The following MAP3K15 variants were observed in gnomAD, a reference collection of about 807,000 sequenced individuals.
MAP3K15 encodes mitogen-activated protein kinase kinase kinase 15, also known as MAPK/ERK kinase kinase 15.
Under a neutral mutation model 99.5 loss-of-function variants are expected in MAP3K15, and 124 were observed. The observed-to-expected ratio is 1.25, with a 90% CI of 1.08 to 1.45. The LOEUF is 1.45. Among genes scored for constraint, MAP3K15 ranks in the 40% most tolerant of loss-of-function variants. The probability of loss-of-function intolerance (pLI) is 0.00; values close to 1 mark genes in which losing one functional copy is unlikely to be tolerated. For synonymous variants in MAP3K15, 494 were observed against 439.6 expected (o/e 1.12, Z -1.55); for missense variants, 1,242 against 1,079.7 (o/e 1.15, Z -2.11).
chrX:19,485,308 C>CAAAAAAA (rs368987947), intron 3 of MAP3K15, among the ~76,000 whole-genome samples: 1 of 7,938 alleles, frequency 1.3e-4, no homozygotes, highest in Non-Finnish European at 2.1e-4. Context: ...GACTCTGTCT[C>CAAAAAAA]AAAAAAAAAA....
intron 6 of MAP3K15, among the ~76,000 whole-genome samples, chrX:19,436,293 C>G (rs2063921666): frequency 9.0e-6 from 1 of 111,141 alleles, no homozygotes; most frequent in South Asian, 3.8e-4. Flanking sequence ...CTGAATCCAC[C>G]ACTCCCTTCT....
Position 19,361,062 on chromosome X carries a change from G to C in MAP3K15, c.3858-229C>G, listed in dbSNP as rs1044241597. ...AGAAGGCAGGCTGCAGTTTAAAGAA[G>C]GGGGTGGGTCCAGCGTGCAGGCACG... is the stretch of plus-strand genomic sequence containing the variant. On this transcript the variant is annotated intron_variant, in intron 28 of 28. Transcript: ENST00000338883. 6 of 417,841 alleles carry C rather than the reference G, an allele frequency of 1.4e-5. No individual in the cohort carries two copies. The African/African-American group carries it at 1.5e-4, about 10-fold the overall frequency. 34.4% of individuals were successfully genotyped at this position (417,841 alleles called of 1,213,427 possible).
chrX:19,406,222 C>T (rs2063646595), intron 13 of MAP3K15, among the ~76,000 whole-genome samples: 1 of 112,340 alleles, frequency 8.9e-6, no homozygotes, highest in Admixed American at 9.5e-5. Context: ...TAAGACCCAG[C>T]AATTTGACTC....
intron 6 of MAP3K15, among the ~76,000 whole-genome samples, chrX:19,441,008 C>T (rs1409380469): frequency 9.0e-6 from 1 of 111,657 alleles, no homozygotes; most frequent in East Asian, 2.8e-4. Context: ...AACTCAAATG[C>T]CCATCAACTG....
At chrX:19,468,095 T>A (rs1037349932) in intron 3 of MAP3K15, among the ~76,000 whole-genome samples, 1 of 111,811 alleles carries the variant, frequency 8.9e-6, no homozygotes, top group Non-Finnish European at 1.9e-5. Context: ...GAACTGCAGC[T>A]CTTCACAAGG....
intron 6 of MAP3K15, among the ~76,000 whole-genome samples, chrX:19,442,955 C>T (rs1161404204): frequency 3.0e-5 from 3 of 100,405 alleles, no homozygotes; most frequent in Admixed American, 2.3e-4. Context: ...AACTCCTGAC[C>T]TCAAGTGATC....
Position 19,380,205 on chromosome X carries a change from C to A in MAP3K15, c.2504G>T (p.Trp835Leu). 8.3e-7 allele frequency: 1 copy of A among 1,207,726 alleles called. No individual in the cohort carries two copies. Among genetic ancestry groups the A allele is most frequent in the Non-Finnish European group, 1.1e-6 (1 of 893,799 alleles). ...CTCAATGATGGTGCAGCCCAGGGACCAGATATCGGCTGGGGCACCATATCC... is the reference window on the plus strand; with the variant it reads ...CTCAATGATGGTGCAGCCCAGGGACAAGATATCGGCTGGGGCACCATATCC... ...PRGYGAPADI[W>L]SLGCTIIEMA... Residue 835 changes from tryptophan to leucine, a missense_variant, in exon 19 of 29, where the codon TGG becomes TTG. By Grantham distance (61) the Trp-to-Leu change is moderately conservative. Coordinates refer to ENST00000338883, the MANE Select transcript of MAP3K15 (RefSeq NM_001001671.4).
In MAP3K15 at chrX:19,431,511, C is replaced by A. The variant is rs186363224; in HGVS notation, c.1093G>T (p.Gly365Trp). ...AAGAAGATGTCCTTGTAGATCCTCCCACACAGGCAGAACATGTCGGGGCCC... is the reference window on the plus strand; with the variant it reads ...AAGAAGATGTCCTTGTAGATCCTCCAACACAGGCAGAACATGTCGGGGCCC... Reference protein sequence around the residue: ...HPGPDMFCLCGRIYKDIFLDS... With the variant: ...HPGPDMFCLCWRIYKDIFLDS... Residue 365 changes from glycine to tryptophan, a missense_variant, in exon 7 of 29, where the codon GGG becomes TGG. By Grantham distance (184) the Gly-to-Trp change is radical (BLOSUM62 -2). Coordinates refer to ENST00000338883, the MANE Select transcript of MAP3K15 (RefSeq NM_001001671.4). 3 of 1,198,446 alleles carry A rather than the reference C, an allele frequency of 2.5e-6. No individual in the cohort carries two copies. The highest frequency in any genetic ancestry group is 4.4e-5 in the Admixed American group (2 of 45,663).
intron 13 of MAP3K15, among the ~76,000 whole-genome samples, chrX:19,402,208 T>C (rs2063614172): frequency 9.1e-6 from 1 of 109,785 alleles, no homozygotes; most frequent in Admixed American, 9.8e-5. Context: ...GGTAGGAAGA[T>C]TGCTTGAGAC....
chrX:19,459,663 A>G (rs2064117341), intron 5 of MAP3K15, among the ~76,000 whole-genome samples: 1 of 112,068 alleles, frequency 8.9e-6, no homozygotes, highest in Admixed American at 9.5e-5. Context: ...CAGCCTGACC[A>G]ACATGGTGAA....
intron 3 of MAP3K15, among the ~76,000 whole-genome samples, chrX:19,474,865 G>A (rs773697745): frequency 3.2e-4 from 36 of 110,863 alleles, no homozygotes; most frequent in African/African-American, 1.2e-3. Context: ...AAAATATTTT[G>A]ATAACTGTAT....
intron 9 of MAP3K15, among the ~76,000 whole-genome samples, chrX:19,420,915 G>A (rs1482117154): frequency 9.0e-6 from 1 of 111,364 alleles, no homozygotes; most frequent in Non-Finnish European, 1.9e-5. Context: ...CATATAAACA[G>A]AACCAAAGAG....
At chrX:19,392,251 C>T in intron 17 of MAP3K15, 92 bp downstream of exon 17, 1 of 1,073,509 alleles carries the variant, frequency 9.3e-7, no homozygotes, top group Non-Finnish European at 1.3e-6. Context: ...AATCATACCC[C>T]TCTGTCAGCC....
At position 19,450,370 on chromosome X, in the gene MAP3K15, G is replaced by A. The variant is rs138214614; in HGVS notation, c.995+6543C>T. Among the ~76,000 whole-genome samples, 113 of 108,277 alleles carry A rather than the reference G, an allele frequency of 1.0e-3. 7 individuals carry two copies. Among genetic ancestry groups the A allele is most frequent in the Non-Finnish European group, 1.9e-3 (95 of 51,341 alleles). The allele number at this position is 108,277 out of a possible 115,157, so 94.0% of individuals were successfully genotyped here. Reference sequence around the variant, plus strand: ...AGAAGAGGACAGGAGAAAAGGGAGAGGAGACGAAAAAAATAAAGAAAGCTG... The same window carrying A: ...AGAAGAGGACAGGAGAAAAGGGAGAAGAGACGAAAAAAATAAAGAAAGCTG... On this transcript the variant is annotated intron_variant, in intron 6 of 28. Coordinates refer to ENST00000338883, the MANE Select transcript of MAP3K15 (RefSeq NM_001001671.4).
At position 19,372,666 on chromosome X, in the gene MAP3K15, T is replaced by A. The variant is rs1173726744; in HGVS notation, c.3095A>T (p.Glu1032Val). ...TCGGGCAAATACCTGGGCCACACAC[T>A]CCTGCAGGTTGGAAGCCACCTGGTT... ...EQNQVASNLQ[E>V]CVAQSSEELH... Residue 1032 changes from glutamate (E) to valine (V), a missense_variant, in exon 22 of 29, where the codon GAG becomes GTG. Coordinates refer to ENST00000338883, the MANE Select transcript of MAP3K15 (RefSeq NM_001001671.4). The A allele has an allele frequency of 1.7e-6, 2 of 1,206,825 alleles. No individual in the cohort carries two copies. Among genetic ancestry groups the A allele is most frequent in the Non-Finnish European group, 2.2e-6 (2 of 893,471 alleles).
At chrX:19,384,154 C>T (rs2063478482) in intron 18 of MAP3K15, among the ~76,000 whole-genome samples, 1 of 111,615 alleles carries the variant, frequency 9.0e-6, no homozygotes, top group African/African-American at 3.3e-5. Context: ...ACCATTCAGC[C>T]ATTAAAAGAA....
Position 19,450,318 on chromosome X carries a change from C to G in MAP3K15, c.995+6595G>C, listed in dbSNP as rs1384259585. ...TGAGCCATCATCACACCACTGCACT[C>G]TAGCCTGGACAACAGAGGAGAGGAG... is the stretch of plus-strand genomic sequence containing the variant. On this transcript the variant is annotated intron_variant, in intron 6 of 28. Transcript: ENST00000338883. 1.8e-5 allele frequency among the ~76,000 whole-genome samples: 2 copies of G among 108,525 alleles called. 1 individual carries two copies. Among genetic ancestry groups the G allele is most frequent in the Non-Finnish European group, 3.9e-5 (2 of 51,530 alleles). 94.2% of individuals were successfully genotyped at this position (108,525 alleles called of 115,157 possible).
At chrX:19,376,427 G>A in intron 19 of MAP3K15, among the ~76,000 whole-genome samples, 1 of 109,552 alleles carries the variant, frequency 9.1e-6, no homozygotes, top group Non-Finnish European at 1.9e-5. Flanking sequence ...TTCTGAGCAT[G>A]TGTGTCCAAA....
chrX:19,438,259 A>C (rs1219955755), intron 6 of MAP3K15, among the ~76,000 whole-genome samples: 1 of 110,854 alleles, frequency 9.0e-6, no homozygotes, highest in Non-Finnish European at 1.9e-5. Context: ...GCATGACCAC[A>C]CCTAGCTTTT....
Sources: allele counts gnomAD v4.1 joint callset (sites outside exome capture counted in the v4.1 genomes callset), GRCh38; gene constraint gnomAD v4.1.1; transcripts MANE v1.5; gene names NCBI Gene and HGNC (gene_info 2026-07-23, HGNC 2026-07-21).